Variants in ZDHHC15 observed in about 807,000 individuals in gnomAD.
ZDHHC15 encodes palmitoyltransferase ZDHHC15.
Under a neutral mutation model 31.7 loss-of-function variants are expected in ZDHHC15, and 19 were observed. The observed-to-expected ratio is 0.60, with a 90% CI of 0.42 to 0.88. The LOEUF is 0.88. Among genes scored for constraint, ZDHHC15 ranks in the 40% least tolerant of loss-of-function variants. The probability of loss-of-function intolerance (pLI) is 0.00; values close to 1 mark genes in which losing one functional copy is unlikely to be tolerated. For synonymous variants in ZDHHC15, 103 were observed against 90.0 expected (o/e 1.14, Z -0.82); for missense variants, 209 against 251.2 (o/e 0.83, Z 1.14).
At chrX:75,475,070 T>A (rs987754085) in intron 3 of ZDHHC15, among the ~76,000 whole-genome samples, 1 of 111,228 alleles carries the variant, frequency 9.0e-6, no homozygotes, top group Non-Finnish European at 1.9e-5. Flanking sequence ...AAAAAATAAA[T>A]AAATAAATAA....
At chrX:75,410,427 C>A (rs998617282) in intron 10 of ZDHHC15, among the ~76,000 whole-genome samples, 2 of 111,650 alleles carry the variant, frequency 1.8e-5, no homozygotes, top group Non-Finnish European at 3.8e-5. Context: ...TAATCTGATT[C>A]TAGAATGGGC....
At chrX:75,386,463 G>A (rs1402649919) in intron 10 of ZDHHC15, among the ~76,000 whole-genome samples, 1 of 111,987 alleles carries the variant, frequency 8.9e-6, no homozygotes, top group Non-Finnish European at 1.9e-5. Flanking sequence ...GTTCAGAAAA[G>A]TTCAGTTCTT....
At chrX:75,405,618 C>T in intron 10 of ZDHHC15, among the ~76,000 whole-genome samples, 1 of 111,570 alleles carries the variant, frequency 9.0e-6, no homozygotes. Flanking sequence ...GATGATATAA[C>T]AATTATAAAT....
intron 10 of ZDHHC15, among the ~76,000 whole-genome samples, chrX:75,403,874 TG>T (rs1490273285): frequency 3.6e-5 from 4 of 111,736 alleles, no homozygotes; most frequent in African/African-American, 1.3e-4. Flanking sequence ...ACTAGACAAA[TG>T]TTTTAAAATT....
At chrX:75,506,439 G>C (rs2085165919) in intron 1 of ZDHHC15, among the ~76,000 whole-genome samples, 1 of 111,281 alleles carries the variant, frequency 9.0e-6, no homozygotes, top group Non-Finnish European at 1.9e-5. Flanking sequence ...TTCACATATA[G>C]GTCTATTTTA....
At chrX:75,497,618 A>C (rs1045021724) in intron 2 of ZDHHC15, among the ~76,000 whole-genome samples, 3 of 112,034 alleles carry the variant, frequency 2.7e-5, no homozygotes, top group Non-Finnish European at 5.6e-5. Flanking sequence ...CATATCAAAA[A>C]GATAATTCAC....
At chrX:75,384,955 A>G (rs2083164540) in intron 10 of ZDHHC15, 1 of 428,692 alleles carries the variant, frequency 2.3e-6, no homozygotes, top group African/African-American at 2.5e-5. Context: ...GGAAATACAT[A>G]AGGGCAATTT....
intron 2 of ZDHHC15, among the ~76,000 whole-genome samples, chrX:75,503,880 C>A (rs2085121471): frequency 3.6e-5 from 4 of 111,252 alleles, no homozygotes; most frequent in Admixed American, 1.9e-4. Context: ...GAGTATCCTT[C>A]TTTGCCTCTT....
Position 75,510,533 on chromosome X carries a change from CTT to C in ZDHHC15, c.137-4688_137-4687del, listed in dbSNP as rs376283663. ...TATTTCTTCTCTCTTCGGAAAATTTCTTTTTTTTTTTTTATCTTTTGTCTTTT... is the reference window on the plus strand; with the variant it reads ...TATTTCTTCTCTCTTCGGAAAATTTCTTTTTTTTTTTATCTTTTGTCTTTT... On this transcript the variant is annotated intron_variant, in intron 1 of 11. Transcript: ENST00000373367. Among the ~76,000 whole-genome samples, 355 of 69,270 alleles carry C rather than the reference CTT, an allele frequency of 5.1e-3. 1 individual carries two copies. Among genetic ancestry groups the C allele is most frequent in the Middle Eastern group, 8.1e-3 (1 of 123 alleles). 60.2% of individuals were successfully genotyped at this position (69,270 alleles called of 115,157 possible). A position where few individuals can be genotyped will look rare whatever the true frequency, so the allele number is the denominator to read the frequency against.
At chrX:75,509,606 T>C (rs1156499985) in intron 1 of ZDHHC15, among the ~76,000 whole-genome samples, 1 of 112,321 alleles carries the variant, frequency 8.9e-6, no homozygotes, top group Admixed American at 9.5e-5. Context: ...GCATATACTT[T>C]GGCATGTATT....
rs1265077181 is a variant in ZDHHC15, at chrX:75,396,759, A to ACT, written c.968-17562_968-17561insAG. Among the ~76,000 whole-genome samples, 867 of 111,543 alleles carry ACT rather than the reference A, an allele frequency of 7.8e-3. 11 individuals carry two copies. Among genetic ancestry groups the ACT allele is most frequent in the African/African-American group, 0.026 (797 of 30,699 alleles). On this transcript the variant is annotated intron_variant, in intron 10 of 11. Coordinates refer to ENST00000373367, the MANE Select transcript of ZDHHC15 (RefSeq NM_144969.3). The stretch of plus-strand genomic sequence containing the variant: ...CAACCTAAGTGTCCATCAGCAGATG[A>ACT]ATAGATAAAAAGTAGTATATACATA...
intron 8 of ZDHHC15, among the ~76,000 whole-genome samples, chrX:75,423,761 G>A (rs1216708873): frequency 1.8e-5 from 2 of 108,115 alleles, no homozygotes; most frequent in East Asian, 5.8e-4. Flanking sequence ...AAAGTGCTAG[G>A]AGTGCTAAGA....
chrX:75,488,356 G>T (rs1395980959), intron 2 of ZDHHC15, among the ~76,000 whole-genome samples: 3 of 111,922 alleles, frequency 2.7e-5, no homozygotes, highest in Non-Finnish European at 5.6e-5. Context: ...AGGGATTGGG[G>T]TCCTATCCTT....
intron 3 of ZDHHC15, among the ~76,000 whole-genome samples, chrX:75,471,395 C>T (rs942442534): frequency 1.8e-5 from 2 of 112,187 alleles, no homozygotes; most frequent in African/African-American, 3.2e-5. Flanking sequence ...GTAGCAAATA[C>T]ACTGGACTTA....
At chrX:75,457,680 C>CAG (rs1273155808) in intron 3 of ZDHHC15, among the ~76,000 whole-genome samples, 1 of 109,228 alleles carries the variant, frequency 9.2e-6, no homozygotes, top group African/African-American at 3.4e-5. Context: ...CACACACACA[C>CAG]AGAGTCTCTG....
chrX:75,485,532 C>T (rs1381629375), intron 2 of ZDHHC15, among the ~76,000 whole-genome samples: 1 of 110,474 alleles, frequency 9.1e-6, no homozygotes, highest in East Asian at 2.8e-4. Flanking sequence ...TCAATATACG[C>T]CCCACCATCA....
At chrX:75,496,815 C>A (rs188682768) in intron 2 of ZDHHC15, among the ~76,000 whole-genome samples, 1 of 110,990 alleles carries the variant, frequency 9.0e-6, no homozygotes, top group African/African-American at 3.3e-5. Context: ...AGTGACACAA[C>A]CTATTGTGTC....
At chrX:75,433,689 GTGTGTGTGTA>G (rs1367577541) in intron 4 of ZDHHC15, among the ~76,000 whole-genome samples, 739 of 11,913 alleles carry the variant, frequency 0.062, 5 homozygotes, top group African/African-American at 0.078. Flanking sequence ...GTGTGTGTGT[GTGTGTGTGTA>G]TATATATATA....
At chrX:75,378,633 G>T (rs2083083053) in intron 11 of ZDHHC15, among the ~76,000 whole-genome samples, 1 of 111,962 alleles carries the variant, frequency 8.9e-6, no homozygotes, top group African/African-American at 3.2e-5. Flanking sequence ...AGAATCCCAT[G>T]TGTAAAGTTG....
Sources: gnomAD v4.1 joint callset for allele counts (sites outside exome capture counted in the v4.1 genomes callset) on GRCh38, gnomAD v4.1.1 for gene constraint, MANE v1.5 for transcripts, NCBI Gene and HGNC (gene_info 2026-07-23, HGNC 2026-07-21) for gene names.